The following PTPRK variants were observed in gnomAD, a reference collection of about 807,000 sequenced individuals.
PTPRK encodes the protein protein tyrosine phosphatase receptor type K.
A neutral mutation model predicts 178.0 loss-of-function variants in PTPRK; 75 were observed. The ratio of observed to expected loss-of-function variants is 0.42; its 90% CI spans 0.35 to 0.51. The LOEUF (loss-of-function observed/expected upper bound fraction) is 0.51. Among genes scored for constraint, PTPRK ranks in the 20% least tolerant of loss-of-function variants. PTPRK has a pLI of 0.02. For synonymous variants in PTPRK, 637 were observed against 620.6 expected (o/e 1.03, Z -0.39); for missense variants, 1,441 against 1,797.8 (o/e 0.80, Z 3.59).
intron 13 of PTPRK, among the ~76,000 whole-genome samples, chr6:128,018,955 C>A (rs1029684003): frequency 6.6e-6 from 1 of 151,972 alleles, no homozygotes; most frequent in Non-Finnish European, 1.5e-5. Flanking sequence ...CTTTAGAGAG[C>A]GTATAAACTA....
At chr6:128,410,846 G>T (rs1402061380) in intron 1 of PTPRK, among the ~76,000 whole-genome samples, 9 of 152,178 alleles carry the variant, frequency 5.9e-5, no homozygotes, top group Non-Finnish European at 1.5e-5. Flanking sequence ...ACTTGGCTGA[G>T]GCTGGGCCTT....
chr6:128,209,802 C>T (rs1807749139), intron 6 of PTPRK, among the ~76,000 whole-genome samples: 1 of 152,080 alleles, frequency 6.6e-6, no homozygotes, highest in South Asian at 2.1e-4. Context: ...CATGAGAGAT[C>T]ATGGTATGTT....
chr6:128,012,722 C>T (rs1056023209), intron 13 of PTPRK, among the ~76,000 whole-genome samples: 1 of 151,250 alleles, frequency 6.6e-6, no homozygotes, highest in Non-Finnish European at 1.5e-5. Flanking sequence ...AATGAAATAG[C>T]TTTAAAGTCA....
chr6:128,059,661 G>A (rs747181816), intron 13 of PTPRK, among the ~76,000 whole-genome samples: 16 of 152,058 alleles, frequency 1.1e-4, no homozygotes, highest in Non-Finnish European at 1.6e-4. Context: ...CTTCTCTCCC[G>A]TAGACGTGGC....
At chr6:128,154,883 A>T (rs1330503460) in intron 7 of PTPRK, among the ~76,000 whole-genome samples, 1 of 151,886 alleles carries the variant, frequency 6.6e-6, no homozygotes, top group Non-Finnish European at 1.5e-5. Context: ...ACAAACCCAC[A>T]TGTACCTAGA....
intron 2 of PTPRK, among the ~76,000 whole-genome samples, chr6:128,368,982 C>CA (rs1355359051): frequency 2.4e-4 from 36 of 151,760 alleles, no homozygotes; most frequent in Non-Finnish European, 4.6e-4. Context: ...GCAATAACAA[C>CA]AAAAAAATCA....
chr6:128,131,986 T>C (rs953021677), intron 7 of PTPRK, among the ~76,000 whole-genome samples: 1 of 152,174 alleles, frequency 6.6e-6, no homozygotes, highest in Non-Finnish European at 1.5e-5. Flanking sequence ...AAAAACTATG[T>C]CTTTAAAGGT....
In PTPRK at chr6:128,372,751, T is replaced by C. The variant is rs548602225; in HGVS notation, c.223+24815A>G. On this transcript the variant is annotated intron_variant, in intron 2 of 29. Transcript: ENST00000368226. ...ATGACTGGTATAAATGGCTACTCCA[T>C]AGTACATGGAGAAGACCCCTACCTG... Among the ~76,000 whole-genome samples the C allele has an allele frequency of 1.1e-4, 17 of 152,270 alleles. 1 individual carries two copies. Among genetic ancestry groups the C allele is most frequent in the African/African-American group, 4.1e-4 (17 of 41,560 alleles).
intron 3 of PTPRK, among the ~76,000 whole-genome samples, chr6:128,272,729 A>G (rs372430362): frequency 4.6e-5 from 7 of 152,056 alleles, no homozygotes; most frequent in Non-Finnish European, 7.4e-5. Context: ...GAGAGGATGT[A>G]GAGAAATAGG....
intron 6 of PTPRK, among the ~76,000 whole-genome samples, chr6:128,191,949 G>T (rs1316703066): frequency 6.6e-6 from 1 of 152,166 alleles, no homozygotes; most frequent in Non-Finnish European, 1.5e-5. Context: ...ACACTGGCTT[G>T]ACTGTGGCCA....
chr6:128,154,370 G>A (rs1797689167), intron 7 of PTPRK, among the ~76,000 whole-genome samples: 1 of 151,684 alleles, frequency 6.6e-6, no homozygotes, highest in Admixed American at 6.6e-5. Flanking sequence ...ATTGGTGTCA[G>A]CCATTAGTAT....
chr6:127,975,959 T>G (rs1232500691), intron 27 of PTPRK, among the ~76,000 whole-genome samples: 2 of 152,144 alleles, frequency 1.3e-5, no homozygotes, highest in East Asian at 3.9e-4. Flanking sequence ...CATGAGGCAC[T>G]GTGCCCGGGC....
Position 128,070,411 on chromosome 6 carries a change from C to T in PTPRK, c.1884-2619G>A, listed in dbSNP as rs1341760090. Among the ~76,000 whole-genome samples the T allele has an allele frequency of 3.3e-5, 5 of 152,084 alleles. No homozygotes were observed. In the South Asian group the frequency reaches 1.0e-3, roughly 32 times the overall value. ...AAAATAATTAGGTTTAGAAGAGGGG[C>T]CCTCACCAAGAACCAAATCCGAGAG... On this transcript the variant is annotated intron_variant, in intron 11 of 29. Coordinates refer to ENST00000368226, the MANE Select transcript of PTPRK (RefSeq NM_002844.4).
At chr6:128,214,990 CTAAA>C (rs1250368572) in intron 6 of PTPRK, among the ~76,000 whole-genome samples, 1 of 152,148 alleles carries the variant, frequency 6.6e-6, no homozygotes, top group Non-Finnish European at 1.5e-5. Flanking sequence ...AAAATATTAA[CTAAA>C]TACTTCTGTG....
chr6:128,505,649 T>G (rs892568158), intron 1 of PTPRK, among the ~76,000 whole-genome samples: 4 of 152,148 alleles, frequency 2.6e-5, no homozygotes, highest in African/African-American at 9.7e-5. Flanking sequence ...AACAGGGATT[T>G]CTAACATCTG....
intron 1 of PTPRK, among the ~76,000 whole-genome samples, chr6:128,493,556 G>C (rs1406790548): frequency 1.5e-5 from 2 of 130,774 alleles, no homozygotes; most frequent in Non-Finnish European, 3.1e-5. Context: ...GCGAGACTCC[G>C]TCTCAAAAAA....
chr6:128,011,060 T>G (rs1002116106), intron 13 of PTPRK, among the ~76,000 whole-genome samples: 2 of 151,206 alleles, frequency 1.3e-5, no homozygotes, highest in East Asian at 1.9e-4. Context: ...TCTCTATATA[T>G]GTAGATATTG....
At chr6:128,326,217 G>A (rs1829540694) in intron 2 of PTPRK, among the ~76,000 whole-genome samples, 1 of 152,040 alleles carries the variant, frequency 6.6e-6, no homozygotes, top group African/African-American at 2.4e-5. Flanking sequence ...TAGACAACGG[G>A]TTGACGAGTG....
intron 1 of PTPRK, among the ~76,000 whole-genome samples, chr6:128,407,625 G>C: frequency 1.9e-5 from 1 of 51,872 alleles, no homozygotes; most frequent in East Asian, 7.1e-4. Context: ...GACAGAGCAA[G>C]ACCCTATCAA....
Sources: gnomAD v4.1 joint callset for allele counts (sites outside exome capture counted in the v4.1 genomes callset) on GRCh38, gnomAD v4.1.1 for gene constraint, MANE v1.5 for transcripts, NCBI Gene and HGNC (gene_info 2026-07-23, HGNC 2026-07-21) for gene names.